The following AARS2 variants were observed in gnomAD, a reference collection of about 807,000 sequenced individuals.
AARS2 encodes the protein alanine--tRNA ligase, mitochondrial.
AARS2 carries 78 observed loss-of-function variants against 119.7 expected under a neutral mutation model. That is an observed-to-expected ratio of 0.65 (90% CI 0.54 to 0.79). The LOEUF (loss-of-function observed/expected upper bound fraction) is 0.79. Among genes scored for constraint, AARS2 ranks in the 30% least tolerant of loss-of-function variants. The pLI is 0.00. For missense variants in AARS2, 1,157 were observed against 1,291.3 expected (o/e 0.90, Z 1.59); for synonymous variants, 502 against 526.3 (o/e 0.95, Z 0.63).
In AARS2 at chr6:44,305,796, A is replaced by G. The variant is rs770846995; in HGVS notation, c.1301-10T>C. On this transcript the variant is annotated splice_polypyrimidine_tract_variant and intron_variant, in intron 9 of 21. Coordinates refer to ENST00000244571, the MANE Select transcript of AARS2 (RefSeq NM_020745.4). The surrounding 1 kb of genome is among the most constrained non-coding windows in gnomAD (Gnocchi z 4.6). ...GACCAGGCCACTTCAGCTTTGAGAA[A>G]GAAAGACAAAGAATGTTGAGGAGGG... 2 of 1,614,042 alleles carry G rather than the reference A, an allele frequency of 1.2e-6. No individual in the cohort carries two copies. Among genetic ancestry groups the G allele is most frequent in the South Asian group, 1.1e-5 (1 of 91,090 alleles).
At position 44,302,490 on chromosome 6, in the gene AARS2, C is replaced by T. The variant is rs150668957; in HGVS notation, c.2388G>A (p.Leu796=). Residue 796 remains leucine (L), a synonymous_variant, in exon 18 of 22, where the codon CTG becomes CTA. Coordinates refer to ENST00000244571, the MANE Select transcript of AARS2 (RefSeq NM_020745.4). ...AQQARELGQS[L]AQEVKAATER... Reference sequence around the variant, plus strand: ...CAGTGGCCGCTTTCACTTCCTGGGCCAGGCTCTGGCCTAGCTCTCGGGCCT... The same window carrying T: ...CAGTGGCCGCTTTCACTTCCTGGGCTAGGCTCTGGCCTAGCTCTCGGGCCT... The T allele has an allele frequency of 6.2e-7, 1 of 1,614,040 alleles. No homozygotes were observed. The highest frequency in any genetic ancestry group is 8.5e-7 in the Non-Finnish European group (1 of 1,180,042).
At position 44,303,376 on chromosome 6, in the gene AARS2, C is replaced by T. The variant is rs775752261; in HGVS notation, c.2055G>A (p.Gln685=). 1.9e-6 allele frequency: 3 copies of T among 1,613,908 alleles called. No homozygotes were observed. Among genetic ancestry groups the T allele is most frequent in the Non-Finnish European group, 2.5e-6 (3 of 1,180,004 alleles). Residue 685 remains glutamine, a synonymous_variant, in exon 15 of 22, where the codon CAG becomes CAA. Transcript: ENST00000244571. ...EQLRAVENTV[Q]EAVGQDEAVY... ...CAGCCTCATCCTGCCCCACGGCCTCCTGCACAGTGTTCTCCACTGCCCGGA... is the reference window on the plus strand; with the variant it reads ...CAGCCTCATCCTGCCCCACGGCCTCTTGCACAGTGTTCTCCACTGCCCGGA...
At chr6:44,312,938 C>T in intron 1 of AARS2, 143 bp downstream of exon 1, 2 of 1,299,326 alleles carry the variant, frequency 1.5e-6, no homozygotes, top group Non-Finnish European at 2.1e-6. Context: ...GCCGTACCCC[C>T]ATCACTTTAC....
rs1379921415 is a variant in AARS2 at position 44,301,441 on chromosome 6, C to T, written c.2622G>A (p.Leu874=). Residue 874 remains leucine (L), a synonymous_variant, in exon 20 of 22, where the codon CTG becomes CTA. Transcript: ENST00000244571. The part of the protein sequence containing the change: ...MGQAAKKTQE[L]LERHSKGPLI... Reference sequence around the variant, plus strand: ...GAGGCCCCTTCGAGTGCCGCTCCAGCAGCTCCTGAGTTTTCTTTGCAGCCT... The same window carrying T: ...GAGGCCCCTTCGAGTGCCGCTCCAGTAGCTCCTGAGTTTTCTTTGCAGCCT... 5.6e-6 allele frequency: 9 copies of T among 1,613,800 alleles called. No individual in the cohort carries two copies. Among genetic ancestry groups the T allele is most frequent in the Non-Finnish European group, 7.6e-6 (9 of 1,180,018 alleles).
Position 44,305,484 on chromosome 6 carries a change from T to G in AARS2, c.1434+169A>C, listed in dbSNP as rs1785764051. Among the ~76,000 whole-genome samples the G allele has an allele frequency of 6.6e-6, 1 of 152,216 alleles. No individual in the cohort carries two copies. Among genetic ancestry groups the G allele is most frequent in the Non-Finnish European group, 1.5e-5 (1 of 68,034 alleles). ...CCTGTGTTTAGCCCATTGGCTAGTT[T>G]TGCTTTCTACTGGTTGTGGCCTGAG... On this transcript the variant is annotated intron_variant, in intron 10 of 21. Coordinates refer to ENST00000244571, the MANE Select transcript of AARS2 (RefSeq NM_020745.4). The surrounding 1 kb of genome is among the most constrained non-coding windows in gnomAD (Gnocchi z 4.6).
chr6:44,310,567 T>G (rs1786266882), intron 4 of AARS2, 124 bp from the exon 5 acceptor site: 3 of 1,282,552 alleles, frequency 2.3e-6, no homozygotes, highest in Non-Finnish European at 3.3e-6. Context: ...AACCAGACAA[T>G]CAGTATCTTC....
In AARS2 at chr6:44,300,625, C is replaced by T. The variant is rs749953058; in HGVS notation, c.2880G>A (p.Val960=). ...CAGTAGTGCTTCCGGTGCCTTGGGC[C>T]ACCACTCGTGAGCCCCACGCCTTGC... The part of the protein sequence containing the change: ...MGGKAWGSRV[V]AQGTGSTTDL... Residue 960 remains valine (V), a synonymous_variant, in exon 22 of 22, where the codon GTG becomes GTA. Transcript: ENST00000244571. 3 of 1,613,904 alleles carry T rather than the reference C, an allele frequency of 1.9e-6. No individual in the cohort carries two copies. The South Asian group carries it at 3.3e-5, about 18-fold the overall frequency.
rs1369825105 is a variant in AARS2 at position 44,302,481 on chromosome 6, T to C, written c.2397A>G (p.Glu799=). ...ARELGQSLAQ[E]VKAATERLSL... ...TCAGCCGCTCAGTGGCCGCTTTCAC[T>C]TCCTGGGCCAGGCTCTGGCCTAGCT... The change falls in exon 18 of 22, where the codon GAA becomes GAG. Residue 799 remains glutamate, a synonymous_variant. Coordinates refer to ENST00000244571, the MANE Select transcript of AARS2 (RefSeq NM_020745.4). 1 of 1,614,012 alleles carries C rather than the reference T, an allele frequency of 6.2e-7. No homozygotes were observed. The highest frequency in any genetic ancestry group is 1.3e-5 in the African/African-American group (1 of 74,912).
chr6:44,310,551 G>A, intron 4 of AARS2, 108 bp from the exon 5 acceptor site: 2 of 1,431,884 alleles, frequency 1.4e-6, no homozygotes, highest in Non-Finnish European at 9.6e-7. Flanking sequence ...AGCTGACAGT[G>A]GGAGGAACCA....
Position 44,305,768 on chromosome 6 carries a change from A to C in AARS2, c.1319T>G (p.Leu440Trp). The C allele has an allele frequency of 6.2e-7, 1 of 1,614,128 alleles. No homozygotes were observed. Among genetic ancestry groups the C allele is most frequent in the Non-Finnish European group, 8.5e-7 (1 of 1,179,992 alleles). The change falls in exon 10 of 22, where the codon TTG becomes TGG. Residue 440 changes from leucine to tryptophan, a missense_variant. Leu to Trp is a moderately conservative substitution (Grantham distance 61). Coordinates refer to ENST00000244571, the MANE Select transcript of AARS2 (RefSeq NM_020745.4). This position sits in a 1 kb window ranked among gnomAD's most constrained non-coding sequence, Gnocchi z 4.6. Reference protein sequence around the residue: ...DMFPAEVAWSLSLCGDLGLPL... With the variant: ...DMFPAEVAWSWSLCGDLGLPL... ...GAGTCCCAGGTCTCCACACAGTGAC[A>C]AGGACCAGGCCACTTCAGCTTTGAG... is the stretch of plus-strand genomic sequence containing the variant.
intron 5 of AARS2, among the ~76,000 whole-genome samples, chr6:44,308,544 A>G (rs553299831): frequency 2.0e-5 from 3 of 148,948 alleles, no homozygotes; most frequent in Admixed American, 2.0e-4. Flanking sequence ...CTCTGTCTCA[A>G]AAAAAAAAAA....
chr6:44,305,186 GC>G lies in AARS2; in HGVS notation c.1446del (p.Gln483ArgfsTer108). On this transcript the variant is annotated frameshift_variant, in exon 11 of 22. Coordinates refer to ENST00000244571, the MANE Select transcript of AARS2 (RefSeq NM_020745.4). LOFTEE classifies it high-confidence loss of function. The surrounding 1 kb of genome is among the most constrained non-coding windows in gnomAD (Gnocchi z 4.6). ...CCCTGCTTCTGAACTGGCTCAGCCT[GC>G]CGTGCCCGGTGCTGCAGGGTGGGCA... ...LAQEEAQHRA[R>X]QAEPVQKQGL... 1 of 1,612,396 alleles carries G rather than the reference GC, an allele frequency of 6.2e-7. No homozygotes were observed. Among genetic ancestry groups the G allele is most frequent in the Non-Finnish European group, 8.5e-7 (1 of 1,180,030 alleles).
chr6:44,304,982 A>C, intron 11 of AARS2, 72 bp downstream of exon 11: 1 of 1,613,034 alleles, frequency 6.2e-7, no homozygotes, highest in Non-Finnish European at 8.5e-7. Context: ...GGCTAGCAGC[A>C]ACCATCTTGG....
rs766085905 is a variant in AARS2 at position 44,305,676 on chromosome 6, G to A, written c.1411C>T (p.Arg471Trp). The change falls in exon 10 of 22, where the codon CGG becomes TGG. Residue 471 changes from arginine to tryptophan, a missense_variant. Transcript: ENST00000244571. The surrounding 1 kb of genome is among the most constrained non-coding windows in gnomAD (Gnocchi z 4.6). ...GVQLDSAGLE[R>W]LAQEEAQHRA... ...ACCTGGGCCTCCTCTTGGGCCAACC[G>A]CTCCAGTCCAGCGGAGTCTAGCTGG... is the stretch of plus-strand genomic sequence containing the variant. 4.3e-6 allele frequency: 7 copies of A among 1,613,980 alleles called. No individual in the cohort carries two copies. The highest frequency in any genetic ancestry group is 1.7e-5 in the Admixed American group (1 of 60,000).
intron 5 of AARS2, among the ~76,000 whole-genome samples, chr6:44,309,799 T>G (rs749450574): frequency 3.3e-5 from 5 of 152,178 alleles, no homozygotes; most frequent in Non-Finnish European, 7.3e-5. Context: ...AAGAACTTCC[T>G]GTAGCTGACT....
Position 44,313,339 on chromosome 6 carries a change from T to C in AARS2, c.-16A>G. The stretch of plus-strand genomic sequence containing the variant: ...ACGCTGCCATCGTAGCTCCGGGCAG[T>C]GACTTTACGTGGTCAAAGAGTGACG... On this transcript the variant is annotated 5_prime_UTR_variant, in exon 1 of 22. Coordinates refer to ENST00000244571, the MANE Select transcript of AARS2 (RefSeq NM_020745.4). 6.3e-7 allele frequency: 1 copy of C among 1,597,590 alleles called. No individual in the cohort carries two copies. Among genetic ancestry groups the C allele is most frequent in the Non-Finnish European group, 8.5e-7 (1 of 1,178,714 alleles).
At chr6:44,303,534 T>G in intron 14 of AARS2, 111 bp from the exon 15 acceptor site, 6 of 1,505,590 alleles carry the variant, frequency 4.0e-6, no homozygotes, top group Non-Finnish European at 3.7e-6. Context: ...GGTTCTAGAA[T>G]AGTGGCTAGC....
Position 44,305,017 on chromosome 6 carries a change from C to T in AARS2, c.1579+37G>A, listed in dbSNP as rs759596312. ...GACATTCTTCTTAGTCATGGTCAGG[C>T]AAGCTTGTGGCGGCAGGCCTTGGTC... On this transcript the variant is annotated intron_variant, in intron 11 of 21. Transcript: ENST00000244571. This position sits in a 1 kb window ranked among gnomAD's most constrained non-coding sequence, Gnocchi z 4.6. 9 of 1,614,106 alleles carry T rather than the reference C, an allele frequency of 5.6e-6. No homozygotes were observed. The highest frequency in any genetic ancestry group is 6.8e-6 in the Non-Finnish European group (8 of 1,179,974).
chr6:44,311,446 G>A lies in AARS2; in HGVS notation c.525C>T (p.Asp175=). The change falls in exon 3 of 22, where the codon GAC becomes GAT. Residue 175 remains aspartate, a synonymous_variant. Transcript: ENST00000244571. The part of the protein sequence containing the change: ...ERLWISYFDG[D]PKAGLDPDLE... ...GGTCTGGGTCCAGCCCTGCCTTGGG[G>A]TCACCATCAAAGTAGGAGATCCAGA... 3.1e-6 allele frequency: 5 copies of A among 1,614,080 alleles called. No homozygotes were observed. The South Asian group carries it at 5.5e-5, about 18-fold the overall frequency.
Sources: gnomAD v4.1 joint callset for allele counts (sites outside exome capture counted in the v4.1 genomes callset) on GRCh38, gnomAD v4.1.1 for gene constraint, Gnocchi (gnomAD v3.1) non-coding constraint, MANE v1.5 for transcripts, NCBI Gene and HGNC (gene_info 2026-07-23, HGNC 2026-07-21) for gene names.